The following ACCSL variants were observed in gnomAD, a reference collection of about 807,000 sequenced individuals.
ACCSL encodes the protein probable inactive 1-aminocyclopropane-1-carboxylate synthase-like protein 2.
Under a neutral mutation model 61.7 loss-of-function variants are expected in ACCSL, and 55 were observed. That is an observed-to-expected ratio of 0.89 (90% confidence interval 0.72 to 1.12). The LOEUF (loss-of-function observed/expected upper bound fraction) is 1.12, where lower values mean the gene tolerates loss of function less well. Among genes scored for constraint, ACCSL ranks in the 50% most tolerant of loss-of-function variants. ACCSL has a pLI of 0.00. For synonymous variants in ACCSL, 258 were observed against 264.3 expected (o/e 0.98, Z 0.23); for missense variants, 632 against 698.0 (o/e 0.91, Z 1.07).
the ACCSL span, chr11:43,943,583 G>A: frequency 1.5e-6 from 2 of 1,311,514 alleles, no homozygotes; most frequent in Non-Finnish European, 2.0e-6. The surrounding 1 kb of genome is among the most constrained non-coding windows in gnomAD (Gnocchi z 4.8). Context: ...AGTCGGCGGC[G>A]GGTAGCCACT....
chr11:43,997,475 T>C, the ACCSL span, among the ~76,000 whole-genome samples: 1 of 152,206 alleles, frequency 6.6e-6, no homozygotes, highest in Non-Finnish European at 1.5e-5. Flanking sequence ...AGCTGCAACC[T>C]GTTTGGCAGC....
rs750679229 is a variant in ACCSL at position 44,052,680 on chromosome 11, C to T, written c.791C>T (p.Ala264Val). 6.2e-7 allele frequency: 1 copy of T among 1,614,156 alleles called. No homozygotes were observed. The highest frequency in any genetic ancestry group is 1.1e-5 in the South Asian group (1 of 91,084). Reference protein sequence around the residue: ...CDPGEAFLVPAPFYGGFAFSS... With the variant: ...CDPGEAFLVPVPFYGGFAFSS... ...TTTCCAGAGGCCTTCCTGGTCCCTG[C>T]TCCCTTCTATGGTGGCTTTGCCTTT... is the stretch of plus-strand genomic sequence containing the variant. Residue 264 changes from alanine (A) to valine (V), a missense_variant, in exon 6 of 14, where the codon GCT (alanine) becomes GTT (valine). Coordinates refer to ENST00000378832, the MANE Select transcript of ACCSL (RefSeq NM_001031854.2).
chr11:44,036,247 C>A, the ACCSL span, among the ~76,000 whole-genome samples: 2 of 152,190 alleles, frequency 1.3e-5, no homozygotes, highest in Non-Finnish European at 2.9e-5. Flanking sequence ...GAGACCAGGC[C>A]AGACCTAAAG....
the ACCSL span, among the ~76,000 whole-genome samples, chr11:43,937,020 T>C: frequency 6.6e-6 from 1 of 152,042 alleles, no homozygotes; most frequent in Non-Finnish European, 1.5e-5. Flanking sequence ...TGGGCCAGGA[T>C]GGGGAACCTC....
the ACCSL span, among the ~76,000 whole-genome samples, chr11:44,038,796 A>G: frequency 6.6e-6 from 1 of 152,184 alleles, no homozygotes; most frequent in Non-Finnish European, 1.5e-5. Context: ...TTGAATGCCT[A>G]TTGGAGGAAT....
intron 1 of ACCSL, 114 bp downstream of exon 1, chr11:44,048,654 CG>C (rs1272035584): frequency 1.9e-6 from 2 of 1,074,680 alleles, no homozygotes; most frequent in African/African-American, 3.1e-5. Flanking sequence ...CCTTATGAAA[CG>C]GGCACTCTTG....
chr11:43,963,131 C>T, the ACCSL span, among the ~76,000 whole-genome samples: 2 of 152,188 alleles, frequency 1.3e-5, no homozygotes, highest in African/African-American at 2.4e-5. Context: ...ATCAGATACA[C>T]AGGGCACAGT....
At chr11:43,968,075 T>G in the ACCSL span, among the ~76,000 whole-genome samples, 2 of 152,150 alleles carry the variant, frequency 1.3e-5, no homozygotes, top group Non-Finnish European at 2.9e-5. Context: ...CATTTTTGGT[T>G]GTCATACTTT....
chr11:43,921,195 T>C, the ACCSL span: 1 of 152,270 alleles, frequency 6.6e-6, no homozygotes, highest in African/African-American at 2.4e-5. Context: ...TTGCTTTTTA[T>C]CCTGTTTCCA....
chr11:43,943,264 G>C, the ACCSL span: 20 of 1,500,202 alleles, frequency 1.3e-5, no homozygotes, highest in Non-Finnish European at 1.8e-5. This position sits in a 1 kb window ranked among gnomAD's most constrained non-coding sequence, Gnocchi z 4.8. Flanking sequence ...ACTCCGACTC[G>C]GCCCTGTAAG....
chr11:44,030,329 T>G, the ACCSL span, among the ~76,000 whole-genome samples: 1 of 151,762 alleles, frequency 6.6e-6, no homozygotes, highest in Non-Finnish European at 1.5e-5. Flanking sequence ...AAACCCCAGA[T>G]TGTAGAGCCC....
At chr11:44,012,712 A>G in the ACCSL span, among the ~76,000 whole-genome samples, 1 of 152,366 alleles carries the variant, frequency 6.6e-6, no homozygotes, top group South Asian at 2.1e-4. Flanking sequence ...GTGTGCAGAG[A>G]TAGACATATA....
chr11:44,059,584 G>A (rs977437011), intron 13 of ACCSL, among the ~76,000 whole-genome samples: 26 of 152,238 alleles, frequency 1.7e-4, no homozygotes, highest in African/African-American at 6.0e-4. Context: ...ATTAGGCCAA[G>A]GCCATAAGCC....
chr11:43,928,293 A>G, the ACCSL span, among the ~76,000 whole-genome samples: 1 of 152,274 alleles, frequency 6.6e-6, no homozygotes, highest in South Asian at 2.1e-4. Context: ...GGACACCTCT[A>G]GGAATGGTGA....
chr11:43,931,219 C>T, the ACCSL span, among the ~76,000 whole-genome samples: 2 of 152,242 alleles, frequency 1.3e-5, no homozygotes, highest in Non-Finnish European at 2.9e-5. Context: ...CAGCGTGAGG[C>T]CTTCGAAGCC....
the ACCSL span, chr11:43,943,530 C>A: frequency 7.5e-7 from 1 of 1,329,364 alleles, no homozygotes; most frequent in Non-Finnish European, 9.9e-7. The surrounding 1 kb of genome is among the most constrained non-coding windows in gnomAD (Gnocchi z 4.8). Flanking sequence ...CTTCCCAGTG[C>A]GAACTCTGCT....
the ACCSL span, among the ~76,000 whole-genome samples, chr11:43,929,878 A>G: frequency 1.3e-5 from 2 of 152,116 alleles, no homozygotes; most frequent in African/African-American, 2.4e-5. Context: ...TCTTACAGCC[A>G]TGGAGCAACG....
chr11:43,942,823 C>A, the ACCSL span: 1 of 1,067,726 alleles, frequency 9.4e-7, no homozygotes. Context: ...CGGCTGCTGC[C>A]TCCCGGGGGG....
rs140139210 is a variant in ACCSL, at chr11:44,049,715, G to A, written c.505-347G>A. ...CTTTTCACCCAAGGTCACATGGCTA[G>A]TAGGCTATTCAACTTTTCTAAACTT... On this transcript the variant is annotated intron_variant, in intron 1 of 13. Coordinates refer to ENST00000378832, the MANE Select transcript of ACCSL (RefSeq NM_001031854.2). Among the ~76,000 whole-genome samples, 1,042 of 152,286 alleles carry A rather than the reference G, an allele frequency of 6.8e-3. 9 individuals are homozygous for A. Among genetic ancestry groups the A allele is most frequent in the Non-Finnish European group, 0.011 (771 of 68,032 alleles).
Sources: allele counts gnomAD v4.1 joint callset (sites outside exome capture counted in the v4.1 genomes callset), GRCh38; gene constraint gnomAD v4.1.1; non-coding constraint Gnocchi (gnomAD v3.1); transcripts MANE v1.5; gene names NCBI Gene and HGNC (gene_info 2026-07-23, HGNC 2026-07-21).